Variants in VAV3 observed in about 807,000 individuals in gnomAD.
The protein encoded by VAV3 is guanine nucleotide exchange factor VAV3.
Under a neutral mutation model 131.2 loss-of-function variants are expected in VAV3, and 94 were observed. The observed-to-expected ratio is 0.72, with a 90% CI of 0.61 to 0.85. VAV3 has a LOEUF of 0.85. VAV3 is among the 40% of genes least tolerant of loss of function. VAV3 has a pLI of 0.00. For missense variants in VAV3, 939 were observed against 1,002.7 expected (o/e 0.94, Z 0.86); for synonymous variants, 349 against 342.0 (o/e 1.02, Z -0.22).
In VAV3 at chr1:107,772,812, A is replaced by G. The variant is rs1286061525; in HGVS notation, c.478T>C (p.Tyr160His). 11 of 1,613,656 alleles carry G rather than the reference A, an allele frequency of 6.8e-6. No individual in the cohort carries two copies. In the Admixed American group the frequency reaches 1.5e-4, roughly 22 times the overall value. The stretch of plus-strand genomic sequence containing the variant: ...TCATCTTCCCCATAAACACAGTCAT[A>G]GAGATCTTCTTCATCTTCCACAAGG... ...ETLVEDEEDL[Y>H]DCVYGEDEGG... Residue 160 changes from tyrosine to histidine, a missense_variant, in exon 5 of 27, where the codon TAT (tyrosine) becomes CAT (histidine). Physicochemically the swap from Tyr to His is moderately conservative, Grantham distance 83 (BLOSUM62 2). Transcript: ENST00000370056.
intron 20 of VAV3, among the ~76,000 whole-genome samples, chr1:107,624,980 T>C (rs529838427): frequency 1.3e-5 from 2 of 152,278 alleles, no homozygotes; most frequent in South Asian, 4.1e-4. Flanking sequence ...AGGTGATAAT[T>C]TGATAGGATT....
At chr1:107,631,595 T>C (rs915571814) in intron 20 of VAV3, among the ~76,000 whole-genome samples, 11 of 150,516 alleles carry the variant, frequency 7.3e-5, no homozygotes, top group African/African-American at 9.7e-5. Context: ...TCATTTAGCA[T>C]TAGGTATATC....
intron 13 of VAV3, 133 bp downstream of exon 13, chr1:107,750,984 T>A (rs1297405990): frequency 2.4e-6 from 2 of 821,990 alleles, no homozygotes; most frequent in Non-Finnish European, 3.8e-6. Flanking sequence ...AATTTAGAAA[T>A]CATGGGTTGG....
chr1:107,735,989 C>T (rs1267457362), intron 15 of VAV3, among the ~76,000 whole-genome samples: 5 of 152,144 alleles, frequency 3.3e-5, no homozygotes, highest in Non-Finnish European at 5.9e-5. Context: ...TCCAGCAACA[C>T]ATCAAAAAGC....
At chr1:107,745,799 TTCAACACTCTTA>T (rs1663306690) in intron 15 of VAV3, among the ~76,000 whole-genome samples, 1 of 152,182 alleles carries the variant, frequency 6.6e-6, no homozygotes, top group Non-Finnish European at 1.5e-5. Context: ...TGGCAAGCAT[TTCAACACTCTTA>T]AAAATATCAG....
rs879387214 is a variant in VAV3 at position 107,830,207 on chromosome 1, CT to C, written c.321+44693del. 2.7e-3 allele frequency among the ~76,000 whole-genome samples: 394 copies of C among 145,476 alleles called. 1 individual carries two copies. The highest frequency in any genetic ancestry group is 0.011 in the Middle Eastern group (3 of 278). On this transcript the variant is annotated intron_variant, in intron 2 of 26. Transcript: ENST00000370056. ...TTAGTGAATAAGACATAATTACACA[CT>C]TTTTTTTTTTTTGAGACAAAGTCTT...
chr1:107,669,731 G>T (rs1451593034), intron 19 of VAV3, among the ~76,000 whole-genome samples: 1 of 151,860 alleles, frequency 6.6e-6, no homozygotes, highest in Non-Finnish European at 1.5e-5. Context: ...TTCGTGAGGT[G>T]CTGTATTACT....
At chr1:107,951,098 G>T (rs1208874260) in intron 1 of VAV3, among the ~76,000 whole-genome samples, 1 of 140,462 alleles carries the variant, frequency 7.1e-6, no homozygotes, top group Non-Finnish European at 1.5e-5. Context: ...ATGTTATTAA[G>T]GGTCCTACAT....
intron 22 of VAV3, among the ~76,000 whole-genome samples, chr1:107,603,559 T>C (rs531698307): frequency 6.6e-6 from 1 of 152,298 alleles, no homozygotes; most frequent in South Asian, 2.1e-4. Context: ...TACTATGAAA[T>C]GAAATCTCCT....
intron 17 of VAV3, among the ~76,000 whole-genome samples, chr1:107,699,362 C>T (rs190588520): frequency 9.8e-5 from 15 of 152,360 alleles, no homozygotes; most frequent in African/African-American, 2.6e-4. Flanking sequence ...CAGGTCACAC[C>T]GATGCAAGAG....
chr1:107,636,804 A>G (rs1654964519), intron 20 of VAV3, among the ~76,000 whole-genome samples: 1 of 152,164 alleles, frequency 6.6e-6, no homozygotes. Flanking sequence ...AAATGAAAAT[A>G]AACAGCTTTG....
chr1:107,727,210 T>G (rs755035968), intron 15 of VAV3, among the ~76,000 whole-genome samples: 5 of 152,248 alleles, frequency 3.3e-5, no homozygotes, highest in Non-Finnish European at 7.3e-5. Flanking sequence ...CAGGCTTGCC[T>G]GGGTCCCATG....
At chr1:107,782,217 T>G (rs778253140) in intron 2 of VAV3, among the ~76,000 whole-genome samples, 1 of 152,208 alleles carries the variant, frequency 6.6e-6, no homozygotes, top group East Asian at 1.9e-4. Context: ...GTATTTTATA[T>G]AGCAATGCAT....
intron 1 of VAV3, among the ~76,000 whole-genome samples, chr1:107,915,313 T>C (rs985197112): frequency 6.6e-6 from 1 of 152,204 alleles, no homozygotes; most frequent in Non-Finnish European, 1.5e-5. Context: ...CATTTCCACA[T>C]CATAATTCCT....
At chr1:107,619,201 T>G (rs1447349867) in intron 20 of VAV3, among the ~76,000 whole-genome samples, 1 of 152,112 alleles carries the variant, frequency 6.6e-6, no homozygotes, top group Non-Finnish European at 1.5e-5. Context: ...CTTAGATGAC[T>G]TAGAGAGGAA....
rs1013756205 is a variant in VAV3, at chr1:107,704,865, T to C, written c.1604+95A>G. ...CAGACTGCTAAGGCAAATTCCCCAC[T>C]TTAGAACCTATTGGCTAGAAGGTTA... On this transcript the variant is annotated intron_variant, in intron 16 of 26. Transcript: ENST00000370056. The C allele has an allele frequency of 1.1e-5, 14 of 1,322,956 alleles. No individual in the cohort carries two copies. In the Middle Eastern group the frequency reaches 2.5e-3, roughly 241 times the overall value. The allele number at this position is 1,322,956 out of a possible 1,614,324, so 82.0% of individuals were successfully genotyped here.
At chr1:107,876,201 C>T (rs1009476515) in intron 1 of VAV3, among the ~76,000 whole-genome samples, 1 of 151,984 alleles carries the variant, frequency 6.6e-6, no homozygotes, top group African/African-American at 2.4e-5. Flanking sequence ...TGCAGACGGC[C>T]AAATAGGATT....
rs1454187917 is a variant in VAV3 at position 107,877,911 on chromosome 1, T to C, written c.205-2894A>G. 5.9e-5 allele frequency among the ~76,000 whole-genome samples: 9 copies of C among 152,134 alleles called. 1 individual carries two copies. The highest frequency in any genetic ancestry group is 5.9e-4 in the Admixed American group (9 of 15,258). On this transcript the variant is annotated intron_variant, in intron 1 of 26. Transcript: ENST00000370056. ...ACACTTCACTCAATGCTCACAAGTG[T>C]GTGGCTCTGTGCACATATAGGAACA... is the stretch of plus-strand genomic sequence containing the variant.
intron 1 of VAV3, among the ~76,000 whole-genome samples, chr1:107,880,335 T>A (rs985360229): frequency 6.6e-6 from 1 of 152,102 alleles, no homozygotes; most frequent in Non-Finnish European, 1.5e-5. Context: ...CGGCAAAGAA[T>A]GTGCATGAAA....
Sources: gnomAD v4.1 joint callset for allele counts (sites outside exome capture counted in the v4.1 genomes callset) on GRCh38, gnomAD v4.1.1 for gene constraint, MANE v1.5 for transcripts, NCBI Gene and HGNC (gene_info 2026-07-23, HGNC 2026-07-21) for gene names.